Variants in DPYD observed in about 807,000 individuals in gnomAD.
DPYD encodes dihydropyrimidine dehydrogenase [NADP(+)].
In DPYD, 109 loss-of-function variants were observed where a neutral mutation model predicts 116.2. The observed-to-expected ratio is 0.94, with a 90% CI of 0.80 to 1.10. The LOEUF is 1.10. DPYD is among the 50% of genes least tolerant of loss of function. The probability of loss-of-function intolerance (pLI) is 0.00; values close to 1 mark genes in which losing one functional copy is unlikely to be tolerated. For missense variants in DPYD, 1,302 were observed against 1,254.5 expected (o/e 1.04, Z -0.57); for synonymous variants, 440 against 432.0 (o/e 1.02, Z -0.23).
intron 13 of DPYD, among the ~76,000 whole-genome samples, chr1:97,515,192 T>C (rs994930011): frequency 1.3e-5 from 2 of 152,094 alleles, no homozygotes; most frequent in Non-Finnish European, 2.9e-5. Flanking sequence ...ACGTAGTTTA[T>C]TTCCTACTAA....
chr1:97,516,372 A>C (rs1557766585), intron 12 of DPYD, among the ~76,000 whole-genome samples: 1 of 152,012 alleles, frequency 6.6e-6, no homozygotes, highest in Non-Finnish European at 1.5e-5. Flanking sequence ...AGGCGATTTT[A>C]GGAAAGGGAA....
intron 4 of DPYD, among the ~76,000 whole-genome samples, chr1:97,722,551 A>C (rs1662980763): frequency 6.6e-6 from 1 of 151,510 alleles, no homozygotes; most frequent in Admixed American, 6.6e-5. Flanking sequence ...ACTGCTCTAA[A>C]ATACATTTTA....
At chr1:97,778,174 G>T in intron 3 of DPYD, among the ~76,000 whole-genome samples, 1 of 89,904 alleles carries the variant, frequency 1.1e-5, no homozygotes. Context: ...AAAAAAAAAA[G>T]AAAGAAAGAA....
chr1:97,617,375 C>G (rs1656356154), intron 8 of DPYD, among the ~76,000 whole-genome samples: 2 of 152,304 alleles, frequency 1.3e-5, no homozygotes, highest in South Asian at 4.1e-4. Flanking sequence ...TTACAAAACA[C>G]TAAGCAACAG....
At chr1:97,665,739 A>G (rs1474035117) in intron 8 of DPYD, among the ~76,000 whole-genome samples, 4 of 152,344 alleles carry the variant, frequency 2.6e-5, no homozygotes, top group African/African-American at 9.6e-5. Flanking sequence ...ATTTTGCTAC[A>G]TAACAAATGT....
At chr1:97,228,846 G>T (rs1216301789) in intron 19 of DPYD, among the ~76,000 whole-genome samples, 1 of 152,104 alleles carries the variant, frequency 6.6e-6, no homozygotes, top group Non-Finnish European at 1.5e-5. Flanking sequence ...GGAGGATGAT[G>T]ATCAAGAGGC....
intron 19 of DPYD, among the ~76,000 whole-genome samples, chr1:97,233,574 A>G (rs1453982827): frequency 1.3e-5 from 2 of 152,062 alleles, no homozygotes; most frequent in African/African-American, 2.4e-5. Context: ...CAGGGAAGTT[A>G]TGTCTAAAAG....
At chr1:97,279,665 A>G (rs947092394) in intron 18 of DPYD, among the ~76,000 whole-genome samples, 26 of 152,116 alleles carry the variant, frequency 1.7e-4, no homozygotes, top group African/African-American at 6.3e-4. Flanking sequence ...GTGCATGACC[A>G]TGCCTGGCTA....
intron 18 of DPYD, among the ~76,000 whole-genome samples, chr1:97,249,158 A>C (rs1038945327): frequency 1.2e-4 from 18 of 152,204 alleles, no homozygotes; most frequent in African/African-American, 4.3e-4. Flanking sequence ...CAGGAAAGAA[A>C]ATAACTCAAG....
At chr1:97,619,045 C>T (rs2100765994) in intron 8 of DPYD, among the ~76,000 whole-genome samples, 1 of 152,108 alleles carries the variant, frequency 6.6e-6, no homozygotes, top group Non-Finnish European at 1.5e-5. Context: ...TGGATATCCA[C>T]CAGACTGTAA....
chr1:97,726,503 A>C (rs1663270533), intron 4 of DPYD, among the ~76,000 whole-genome samples: 1 of 151,582 alleles, frequency 6.6e-6, no homozygotes, highest in South Asian at 2.1e-4. Context: ...CATTGTTAGA[A>C]ATAATCTCAA....
At chr1:97,362,855 A>G (rs181065372) in intron 16 of DPYD, among the ~76,000 whole-genome samples, 119 of 152,332 alleles carry the variant, frequency 7.8e-4, no homozygotes, top group African/African-American at 2.6e-3. Flanking sequence ...AAACCCTAGA[A>G]GAAAACCTAG....
intron 14 of DPYD, among the ~76,000 whole-genome samples, chr1:97,395,556 T>C (rs981560751): frequency 6.6e-6 from 1 of 152,048 alleles, no homozygotes; most frequent in East Asian, 1.9e-4. Context: ...TTCCTATCCT[T>C]TCAATTTACA....
At chr1:97,438,858 T>A (rs1557711952) in intron 14 of DPYD, among the ~76,000 whole-genome samples, 1 of 152,108 alleles carries the variant, frequency 6.6e-6, no homozygotes, top group Non-Finnish European at 1.5e-5. Flanking sequence ...TTTTACTTCT[T>A]CCTTTGCAGT....
chr1:97,264,162 GTTTTTTTTTTTTTTTTTT>G (rs71071641), intron 18 of DPYD, among the ~76,000 whole-genome samples: 3 of 60,086 alleles, frequency 5.0e-5, no homozygotes, highest in Admixed American at 5.4e-4. Flanking sequence ...GCAAAATTCT[GTTTTTTTTTTTTTTTTTT>G]TTTTTTTTTT....
intron 17 of DPYD, 138 bp from the exon 18 acceptor site, chr1:97,305,516 T>C: frequency 1.7e-6 from 2 of 1,148,010 alleles, no homozygotes; most frequent in Non-Finnish European, 1.3e-6. Flanking sequence ...TCTTCACTAA[T>C]TTAACTCCTA....
intron 8 of DPYD, among the ~76,000 whole-genome samples, chr1:97,601,341 A>T (rs1009381357): frequency 6.6e-6 from 1 of 152,102 alleles, no homozygotes; most frequent in Non-Finnish European, 1.5e-5. Context: ...AAAAAGGCTT[A>T]CATGATAAAG....
chr1:97,840,622 C>G (rs1467087173), intron 2 of DPYD, among the ~76,000 whole-genome samples: 1 of 151,898 alleles, frequency 6.6e-6, no homozygotes, highest in East Asian at 1.9e-4. Flanking sequence ...TGTCTTATTT[C>G]TTTTTAATTA....
intron 7 of DPYD, among the ~76,000 whole-genome samples, chr1:97,683,617 TATTTAAATTCTG>T (rs1203928178): frequency 6.6e-6 from 1 of 152,072 alleles, no homozygotes; most frequent in Non-Finnish European, 1.5e-5. Flanking sequence ...TATGTATTTC[TATTTAAATTCTG>T]AGTTGCATTA....
Sources: gnomAD v4.1 joint callset for allele counts (sites outside exome capture counted in the v4.1 genomes callset) on GRCh38, gnomAD v4.1.1 for gene constraint, MANE v1.5 for transcripts, NCBI Gene and HGNC (gene_info 2026-07-23, HGNC 2026-07-21) for gene names.